The following ADAM10 variants were observed in gnomAD, a reference collection of about 807,000 sequenced individuals.
The protein encoded by ADAM10 is ADAM metallopeptidase domain 10, also known as disintegrin and metalloproteinase domain-containing protein 10.
ADAM10 carries 17 observed loss-of-function variants against 90.1 expected under a neutral mutation model. That is an observed-to-expected ratio of 0.19 (90% confidence interval 0.13 to 0.28). ADAM10 has a LOEUF of 0.28. Among genes scored for constraint, ADAM10 ranks in the 10% least tolerant of loss-of-function variants. The pLI is 1.00. For missense variants in ADAM10, 610 were observed against 914.3 expected, an observed-to-expected ratio of 0.67 and a Z score of 4.29; for synonymous variants, 310 against 298.6, an observed-to-expected ratio of 1.04 and a Z score of -0.40.
intron 2 of ADAM10, among the ~76,000 whole-genome samples, chr15:58,704,323 G>C (rs1207082295): frequency 6.6e-6 from 1 of 152,162 alleles, no homozygotes; most frequent in Non-Finnish European, 1.5e-5. Flanking sequence ...GAAAAATGGG[G>C]AGTCACTGTT....
At chr15:58,600,556 G>A (rs1371338361) in intron 14 of ADAM10, among the ~76,000 whole-genome samples, 1 of 152,014 alleles carries the variant, frequency 6.6e-6, no homozygotes, top group East Asian at 1.9e-4. Flanking sequence ...AAAAGTGGAA[G>A]AAGATACATA....
At chr15:58,649,824 ATCTC>A (rs1169989639) in intron 5 of ADAM10, among the ~76,000 whole-genome samples, 40 of 152,138 alleles carry the variant, frequency 2.6e-4, no homozygotes, top group Middle Eastern at 3.2e-3. Flanking sequence ...GTTGTTTGAT[ATCTC>A]TCTGTTACAT....
intron 2 of ADAM10, among the ~76,000 whole-genome samples, chr15:58,685,955 T>G (rs545221439): frequency 6.6e-6 from 1 of 152,312 alleles, no homozygotes; most frequent in East Asian, 1.9e-4. Context: ...AAACCATTAC[T>G]GGACTTGCCT....
At chr15:58,688,611 T>C (rs1348532866) in intron 2 of ADAM10, among the ~76,000 whole-genome samples, 1 of 150,176 alleles carries the variant, frequency 6.7e-6, no homozygotes, top group Admixed American at 6.6e-5. Context: ...GTTAAAGAAT[T>C]ATGGGGAAAA....
rs1895406789 is a variant in ADAM10, at chr15:58,610,424, T to C, written c.1898A>G (p.Asn633Ser). ...TITLQPGSPC[N>S]DFRGYCDVFM... is the part of the protein sequence containing the mutation. Reference sequence around the variant, plus strand: ...AACATCACAGTAACCTCTAAAATCGTTGCAAGGGGATCCAGGTTGCAGGGT... The same window carrying C: ...AACATCACAGTAACCTCTAAAATCGCTGCAAGGGGATCCAGGTTGCAGGGT... Residue 633 changes from asparagine to serine, a missense_variant, in exon 14 of 16, where the codon AAC becomes AGC. By Grantham distance (46) the Asn-to-Ser change is conservative. This residue lies in a region of ADAM10 where 150 missense variants were observed against 268.5 expected (regional missense o/e 0.56). Transcript: ENST00000260408. 6.2e-7 allele frequency: 1 copy of C among 1,614,182 alleles called. No individual in the cohort carries two copies. The highest frequency in any genetic ancestry group is 2.2e-5 in the East Asian group (1 of 44,878).
At chr15:58,749,431 CCGCTCCGCCGTGGTCGCGGCGCCCCCGG>C (rs1371141442) in intron 1 of ADAM10, 21 bp downstream of exon 1, 2 of 1,502,938 alleles carry the variant, frequency 1.3e-6, no homozygotes, top group Non-Finnish European at 8.9e-7. Context: ...GGCCCGGCCG[CCGCTCCGCCGTGGTCGCGGCGCCCCCGG>C]CGCTCGCAGT....
At chr15:58,614,184 T>C (rs563805760) in intron 11 of ADAM10, among the ~76,000 whole-genome samples, 48 of 150,638 alleles carry the variant, frequency 3.2e-4, no homozygotes, top group Middle Eastern at 6.8e-3. Flanking sequence ...ACTCAGGAGG[T>C]TGAGGCACAA....
At chr15:58,691,509 C>A (rs768671204) in intron 2 of ADAM10, 3 of 580,324 alleles carry the variant, frequency 5.2e-6, no homozygotes, top group Non-Finnish European at 1.0e-5. Flanking sequence ...CATCTCATCT[C>A]CAGACTGGAA....
At chr15:58,689,831 T>C (rs971230931) in intron 2 of ADAM10, among the ~76,000 whole-genome samples, 1 of 149,856 alleles carries the variant, frequency 6.7e-6, no homozygotes, top group African/African-American at 2.5e-5. Flanking sequence ...ACAAGAAAAA[T>C]ACCAGGGCCA....
At chr15:58,616,243 A>T (rs1447055293) in intron 11 of ADAM10, among the ~76,000 whole-genome samples, 3 of 152,210 alleles carry the variant, frequency 2.0e-5, no homozygotes, top group Non-Finnish European at 4.4e-5. Context: ...AAAATCAAGA[A>T]ACACTGGATT....
intron 2 of ADAM10, among the ~76,000 whole-genome samples, chr15:58,687,522 ATTTGTG>A (rs1897636861): frequency 6.6e-6 from 1 of 151,904 alleles, no homozygotes; most frequent in Admixed American, 6.6e-5. Context: ...AGGATACATT[ATTTGTG>A]TTTGTAACAG....
intron 14 of ADAM10, 94 bp from the exon 15 acceptor site, chr15:58,599,818 G>A: frequency 7.9e-7 from 1 of 1,258,130 alleles, no homozygotes; most frequent in Admixed American, 1.9e-5. Context: ...ATAGAACACA[G>A]TATATTGTAA....
chr15:58,608,488 C>G (rs1351744788), intron 14 of ADAM10, among the ~76,000 whole-genome samples: 1 of 152,122 alleles, frequency 6.6e-6, no homozygotes, highest in African/African-American at 2.4e-5. Flanking sequence ...ACAAATGCAC[C>G]AACAGCCTAG....
At chr15:58,664,354 T>C (rs1399403976) in intron 5 of ADAM10, among the ~76,000 whole-genome samples, 1 of 152,096 alleles carries the variant, frequency 6.6e-6, no homozygotes, top group African/African-American at 2.4e-5. Flanking sequence ...TTCCCAGAAC[T>C]TTCCACAGTC....
At chr15:58,720,086 C>A (rs1271395664) in intron 1 of ADAM10, among the ~76,000 whole-genome samples, 2 of 152,152 alleles carry the variant, frequency 1.3e-5, no homozygotes, top group Non-Finnish European at 2.9e-5. Flanking sequence ...ACCACATGAG[C>A]TAAGTAATTA....
intron 4 of ADAM10, among the ~76,000 whole-genome samples, chr15:58,665,737 G>T (rs907710152): frequency 6.6e-6 from 1 of 151,750 alleles, no homozygotes; most frequent in African/African-American, 2.4e-5. Flanking sequence ...TTACAGTTAC[G>T]TGACTGTATC....
At chr15:58,670,616 C>A (rs181544887) in intron 4 of ADAM10, among the ~76,000 whole-genome samples, 1 of 152,008 alleles carries the variant, frequency 6.6e-6, no homozygotes, top group Non-Finnish European at 1.5e-5. Flanking sequence ...TAAGATATAA[C>A]TGTACATGAA....
chr15:58,668,956 G>A (rs974969459), intron 4 of ADAM10, among the ~76,000 whole-genome samples: 18 of 152,056 alleles, frequency 1.2e-4, no homozygotes, highest in African/African-American at 2.9e-4. Context: ...TTGTTTCTAC[G>A]GCAAAGTGTG....
chr15:58,645,301 T>C (rs1265295254), intron 6 of ADAM10, among the ~76,000 whole-genome samples: 2 of 152,176 alleles, frequency 1.3e-5, no homozygotes, highest in Non-Finnish European at 2.9e-5. Context: ...CCTACCTTAT[T>C]ACTATTATGT....
Sources: gnomAD v4.1 joint callset for allele counts (sites outside exome capture counted in the v4.1 genomes callset) on GRCh38, gnomAD v4.1.1 for gene constraint, gnomAD v4.1.1 regional missense constraint, MANE v1.5 for transcripts, NCBI Gene and HGNC (gene_info 2026-07-23, HGNC 2026-07-21) for gene names.